The following C3 variants were observed in gnomAD, a reference collection of about 807,000 sequenced individuals.
C3 encodes the protein complement C3, also known as C3 and PZP-like alpha-2-macroglobulin domain-containing protein 1.
In C3, 97 loss-of-function variants were observed where a neutral mutation model predicts 207.9. That is an observed-to-expected ratio of 0.47 (90% CI 0.40 to 0.55). C3 has a LOEUF of 0.55. Ranked by LOEUF, C3 falls within the 20% of genes least tolerant of loss-of-function variation. C3 has a pLI of 0.00. For missense variants in C3, 1,684 were observed against 2,171.7 expected (o/e 0.78, Z 4.46); for synonymous variants, 848 against 857.6 (o/e 0.99, Z 0.20).
intron 16 of C3, 46 bp from the exon 17 acceptor site, chr19:6,707,319 C>G (rs757912040): frequency 4.4e-6 from 7 of 1,601,888 alleles, no homozygotes; most frequent in South Asian, 1.1e-5. Flanking sequence ...AGCCGGGGGC[C>G]GGCAGCAGGA....
intron 17 of C3, among the ~76,000 whole-genome samples, chr19:6,704,454 AT>A (rs1479191917): frequency 6.6e-6 from 1 of 152,130 alleles, no homozygotes; most frequent in Non-Finnish European, 1.5e-5. Flanking sequence ...CCCTTAAAAA[AT>A]ATATATATTT....
At chr19:6,693,156 G>T (rs561512366) in intron 25 of C3, 73 bp from the exon 26 acceptor site, 173 of 1,547,300 alleles carry the variant, frequency 1.1e-4, no homozygotes, top group Non-Finnish European at 1.2e-4. Flanking sequence ...GCCAATGAGC[G>T]TGGGGGAGGG....
chr19:6,703,143 C>T (rs746651165), intron 17 of C3, among the ~76,000 whole-genome samples: 6 of 152,144 alleles, frequency 3.9e-5, no homozygotes, highest in African/African-American at 4.8e-5. Flanking sequence ...AAATACATCC[C>T]GGACATGGAG....
chr19:6,687,860 CTTT>C (rs35034584), intron 27 of C3, among the ~76,000 whole-genome samples: 2 of 140,256 alleles, frequency 1.4e-5, no homozygotes, highest in Non-Finnish European at 3.1e-5. Context: ...TTTGTTGTTG[CTTT>C]TTTTTTTTTT....
At chr19:6,682,338 T>C (rs1056200352) in intron 33 of C3, 109 bp from the exon 34 acceptor site, 34 of 805,712 alleles carry the variant, frequency 4.2e-5, no homozygotes, top group Non-Finnish European at 6.6e-5. Context: ...GATTCCCACA[T>C]AGCAGCACAG....
chr19:6,680,003 C>T, intron 36 of C3, 155 bp downstream of exon 36: 1 of 672,540 alleles, frequency 1.5e-6, no homozygotes, highest in Non-Finnish European at 2.8e-6. Flanking sequence ...CTCATAGATC[C>T]TTGGGACCCT....
chr19:6,709,148 T>C (rs1168516665), intron 14 of C3, among the ~76,000 whole-genome samples: 1 of 152,140 alleles, frequency 6.6e-6, no homozygotes, highest in Non-Finnish European at 1.5e-5. Flanking sequence ...AGGGCCCCAG[T>C]TGAAAGTGTC....
At chr19:6,698,151 G>C (rs986873176) in intron 19 of C3, among the ~76,000 whole-genome samples, 3 of 151,916 alleles carry the variant, frequency 2.0e-5, no homozygotes, top group Admixed American at 2.0e-4. Flanking sequence ...CGAGTAGCTG[G>C]GACTGCAGGC....
intron 33 of C3, among the ~76,000 whole-genome samples, chr19:6,683,972 G>A (rs1359310793): frequency 1.3e-5 from 2 of 152,318 alleles, no homozygotes; most frequent in African/African-American, 2.4e-5. Context: ...CATGGCACAC[G>A]CCTGTAGTCC....
rs781075456 is a variant in C3 at position 6,707,108 on chromosome 19, T to A, written c.2213A>T (p.His738Leu). The A allele has an allele frequency of 1.9e-6, 3 of 1,611,608 alleles. No homozygotes were observed. The highest frequency in any genetic ancestry group is 2.7e-5 in the African/African-American group (2 of 74,646). ...CAGGCCCAGGTGGCTGGCCCGCGCG[T>A]GCTGCCGCCGCAGCTCTGTGATGTA... ...CNYITELRRQHARASHLGLAR... is the reference protein window; with the variant it reads ...CNYITELRRQLARASHLGLAR... Residue 738 changes from histidine to leucine, a missense_variant, in exon 17 of 41, where the codon CAC becomes CTC. Transcript: ENST00000245907.
chr19:6,709,501 T>TG (rs2091058712), intron 14 of C3, among the ~76,000 whole-genome samples, 183 bp downstream of exon 14: 1 of 152,050 alleles, frequency 6.6e-6, no homozygotes, highest in African/African-American at 2.4e-5. Flanking sequence ...CATCCCCAAT[T>TG]GGAACCCATG....
At chr19:6,688,687 G>T (rs555075492) in intron 27 of C3, among the ~76,000 whole-genome samples, 1 of 152,274 alleles carries the variant, frequency 6.6e-6, no homozygotes, top group East Asian at 1.9e-4. Flanking sequence ...CAGGAGTCTG[G>T]TTTCACAGCC....
chr19:6,713,843 C>T, intron 7 of C3, 149 bp downstream of exon 7: 4 of 158,746 alleles, frequency 2.5e-5, no homozygotes, highest in South Asian at 6.9e-5. Context: ...CCCCACCTTC[C>T]CCACCCCCAG....
At chr19:6,685,171 G>GT in intron 29 of C3, 25 bp from the exon 30 acceptor site, 1 of 1,610,402 alleles carries the variant, frequency 6.2e-7, no homozygotes, top group Non-Finnish European at 8.5e-7. Flanking sequence ...AGAGAAAGAT[G>GT]GTGATCTGGG....
rs1021627594 is a variant in C3, at chr19:6,719,995, C to G, written c.74+521G>C. Among the ~76,000 whole-genome samples, 4 of 152,126 alleles carry G rather than the reference C, an allele frequency of 2.6e-5. No individual in the cohort carries two copies. The highest frequency in any genetic ancestry group is 9.7e-5 in the African/African-American group (4 of 41,400). On this transcript the variant is annotated intron_variant, in intron 1 of 40. Coordinates refer to ENST00000245907, the MANE Select transcript of C3 (RefSeq NM_000064.4). The surrounding 1 kb of genome is among the most constrained non-coding windows in gnomAD (Gnocchi z 5.4). ...GAAGTAGCCAATCTTTAAACCCACA[C>G]TGAAAATTGCAAGTCCCCAAGCTGC...
chr19:6,689,352 C>CT (rs1918106817), intron 27 of C3, among the ~76,000 whole-genome samples: 1 of 57,542 alleles, frequency 1.7e-5, no homozygotes, highest in African/African-American at 1.0e-4. Flanking sequence ...TCCCTCCCTC[C>CT]CTCCCTCCCT....
At chr19:6,714,735 A>G (rs1222083458) in intron 4 of C3, among the ~76,000 whole-genome samples, 1 of 152,120 alleles carries the variant, frequency 6.6e-6, no homozygotes, top group Non-Finnish European at 1.5e-5. Flanking sequence ...GGTGGTAGGC[A>G]CCCGTAATCC....
chr19:6,700,284 AT>A (rs1427498254), intron 19 of C3, among the ~76,000 whole-genome samples: 3 of 15,758 alleles, frequency 1.9e-4, no homozygotes, highest in Non-Finnish European at 2.1e-4. Flanking sequence ...CATATAACAT[AT>A]TATATATGTG....
Position 6,685,006 on chromosome 19 carries a change from G to A in C3, c.3951C>T (p.Ser1317=). Residue 1317 remains serine (S), a synonymous_variant, in exon 30 of 41, where the codon AGC becomes AGT. Coordinates refer to ENST00000245907, the MANE Select transcript of C3 (RefSeq NM_000064.4). ...ACTGTACCTCTTCTGATCGCAGGAG[G>A]CTGGCAGATTCCCAGTGGATACGGT... ...ITHRIHWESA[S]LLRSEETKEN... 6.2e-7 allele frequency: 1 copy of A among 1,613,812 alleles called. No homozygotes were observed. The highest frequency in any genetic ancestry group is 8.5e-7 in the Non-Finnish European group (1 of 1,180,014).
Sources: gnomAD v4.1 joint callset for allele counts (sites outside exome capture counted in the v4.1 genomes callset) on GRCh38, gnomAD v4.1.1 for gene constraint, Gnocchi (gnomAD v3.1) non-coding constraint, MANE v1.5 for transcripts, NCBI Gene and HGNC (gene_info 2026-07-23, HGNC 2026-07-21) for gene names.